POLD1: variants seen among roughly 807,000 people sequenced by gnomAD.
POLD1 encodes DNA polymerase delta catalytic subunit.
Under a neutral mutation model 129.7 loss-of-function variants are expected in POLD1, and 79 were observed. The ratio of observed to expected loss-of-function variants is 0.61; its 90% CI spans 0.51 to 0.73. The LOEUF (loss-of-function observed/expected upper bound fraction) is 0.73, where lower values mean the gene tolerates loss of function less well. Ranked by LOEUF, POLD1 falls within the 30% of genes least tolerant of loss-of-function variation. The pLI is 0.00. For missense variants in POLD1, 1,338 were observed against 1,595.8 expected (o/e 0.84, Z 2.75); for synonymous variants, 714 against 683.3 (o/e 1.04, Z -0.70).
chr19:50,401,359 GTA>G (rs1304573426), intron 3 of POLD1, among the ~76,000 whole-genome samples: 19 of 90,494 alleles, frequency 2.1e-4, no homozygotes, highest in African/African-American at 8.8e-4. Flanking sequence ...GTGTATTTGT[GTA>G]TATGTGTATA....
chr19:50,395,300 GAATA>G (rs2038314301), intron 1 of POLD1: 1 of 150,236 alleles, frequency 6.7e-6, no homozygotes, highest in African/African-American at 2.5e-5. Flanking sequence ...AAGGTTGAAA[GAATA>G]AATAGTGTAG....
In POLD1 at chr19:50,414,976, C is replaced by T. The variant is rs369366238; in HGVS notation, c.2550C>T (p.Arg850=). 5.0e-6 allele frequency: 8 copies of T among 1,588,178 alleles called. No homozygotes were observed. The highest frequency in any genetic ancestry group is 6.9e-6 in the Non-Finnish European group (8 of 1,166,460). ...VANLVTASLR[R]LLIDRDPEGA... ...ACCTGGTCACTGCCTCACTGCGCCGCCTGCTCATCGACCGGTGTGTGGGGC... is the reference window on the plus strand; with the variant it reads ...ACCTGGTCACTGCCTCACTGCGCCGTCTGCTCATCGACCGGTGTGTGGGGC... The change falls in exon 20 of 27, where the codon CGC becomes CGT. Residue 850 remains arginine (R), a synonymous_variant. Coordinates refer to ENST00000440232, the MANE Select transcript of POLD1 (RefSeq NM_002691.4).
At chr19:50,404,577 T>TTC (rs2038799325) in intron 10 of POLD1, among the ~76,000 whole-genome samples, 1 of 115,406 alleles carries the variant, frequency 8.7e-6, no homozygotes, top group Non-Finnish European at 1.8e-5. Context: ...TCTCTTTCTT[T>TTC]TTTTTTTTTT....
intron 1 of POLD1, among the ~76,000 whole-genome samples, chr19:50,386,523 A>C (rs2037977184): frequency 6.6e-6 from 1 of 152,206 alleles, no homozygotes; most frequent in Admixed American, 6.5e-5. Context: ...CCTTTTCTCA[A>C]GGAGCTCACA....
chr19:50,389,833 G>A (rs1050715508), intron 1 of POLD1, among the ~76,000 whole-genome samples: 27 of 150,326 alleles, frequency 1.8e-4, no homozygotes, highest in Non-Finnish European at 2.7e-4. Flanking sequence ...TGATCCGCCC[G>A]CCTTGGGCTC....
At position 50,402,526 on chromosome 19, in the gene POLD1, G is replaced by A. The variant is rs1284688393; in HGVS notation, c.831G>A (p.Leu277=). The change falls in exon 7 of 27, where the codon CTG becomes CTA. Residue 277 remains leucine (L), a synonymous_variant. Transcript: ENST00000440232. ...ELPAGKYALR[L]KEKATQCQLE... ...CAGCTGGGAAATACGCCCTGAGGCT[G>A]AAGGAGAAGGTGCAGGGCTTCCCAG... is the stretch of plus-strand genomic sequence containing the variant. 2 of 1,601,372 alleles carry A rather than the reference G, an allele frequency of 1.2e-6. No homozygotes were observed. Among genetic ancestry groups the A allele is most frequent in the African/African-American group, 1.3e-5 (1 of 74,664 alleles).
chr19:50,400,522 ATTTTTTTT>A (rs1016107364), intron 3 of POLD1, among the ~76,000 whole-genome samples: 2 of 63,516 alleles, frequency 3.1e-5, no homozygotes, highest in Non-Finnish European at 5.7e-5. Context: ...TGCCCCGCCT[ATTTTTTTT>A]TTTTTTTTTT....
chr19:50,389,597 T>C (rs1276277198), intron 1 of POLD1, among the ~76,000 whole-genome samples: 2 of 150,524 alleles, frequency 1.3e-5, no homozygotes, highest in East Asian at 1.9e-4. Flanking sequence ...TATTTTTTTT[T>C]TTTTTCCAAG....
At chr19:50,397,897 C>T (rs961690632) in intron 1 of POLD1, among the ~76,000 whole-genome samples, 1 of 152,080 alleles carries the variant, frequency 6.6e-6, no homozygotes, top group African/African-American at 2.4e-5. Context: ...AACCTTGAGT[C>T]AGTGTTAAAT....
At chr19:50,413,571 G>C in intron 18 of POLD1, 50 bp downstream of exon 18, 1 of 1,559,088 alleles carries the variant, frequency 6.4e-7, no homozygotes, top group Non-Finnish European at 8.8e-7. Flanking sequence ...GCAGGTGGGG[G>C]GATGGAAGCC....
rs147546995 is a variant in POLD1 at position 50,408,791 on chromosome 19, C to T, written c.1782C>T (p.Tyr594=). ...ATVIEPLKGY[Y]DVPIATLDFS... The stretch of plus-strand genomic sequence containing the variant: ...GCGGCTGCTCCCCTCCCAGGTACTA[C>T]GACGTCCCCATCGCCACCCTGGACT... The change falls in exon 15 of 27, where the codon TAC becomes TAT. Residue 594 remains tyrosine (Y), a synonymous_variant. Coordinates refer to ENST00000440232, the MANE Select transcript of POLD1 (RefSeq NM_002691.4). 1.1e-5 allele frequency: 18 copies of T among 1,613,664 alleles called. No homozygotes were observed. Among genetic ancestry groups the T allele is most frequent in the East Asian group, 1.1e-4 (5 of 44,890 alleles).
At chr19:50,417,602 A>G (rs552897529) in intron 26 of POLD1, among the ~76,000 whole-genome samples, 10 of 150,982 alleles carry the variant, frequency 6.6e-5, no homozygotes, top group African/African-American at 2.5e-4. Flanking sequence ...GTGGGTTCCC[A>G]CGCCAGGTGA....
At chr19:50,384,672 G>A (rs921008474) in intron 1 of POLD1, among the ~76,000 whole-genome samples, 1 of 152,184 alleles carries the variant, frequency 6.6e-6, no homozygotes, top group Admixed American at 6.5e-5. Flanking sequence ...GGTGGTGCAC[G>A]TGCGGGCTTG....
chr19:50,413,400 A>G, intron 17 of POLD1, 26 bp from the exon 18 acceptor site: 2 of 1,601,932 alleles, frequency 1.2e-6, no homozygotes, highest in Non-Finnish European at 1.7e-6. Flanking sequence ...CCAGGGCTTC[A>G]CTCCGCATGA....
intron 3 of POLD1, among the ~76,000 whole-genome samples, chr19:50,400,243 G>T (rs1428202100): frequency 2.1e-5 from 2 of 95,528 alleles, no homozygotes; most frequent in Admixed American, 1.3e-4. Flanking sequence ...TTTTTAAGAT[G>T]GAGTCTTGCT....
intron 14 of POLD1, among the ~76,000 whole-genome samples, chr19:50,407,963 G>A (rs1489363873): frequency 6.6e-6 from 1 of 151,948 alleles, no homozygotes; most frequent in Non-Finnish European, 1.5e-5. Context: ...ATGAGCCCAG[G>A]AGGTGGAGGC....
At chr19:50,390,629 G>A (rs971936375) in intron 1 of POLD1, among the ~76,000 whole-genome samples, 2 of 151,546 alleles carry the variant, frequency 1.3e-5, no homozygotes, top group African/African-American at 4.9e-5. Flanking sequence ...TGGAGAGGGG[G>A]ATTTGGCAGG....
At chr19:50,416,152 C>T (rs2039280789) in intron 22 of POLD1, 2 of 590,208 alleles carry the variant, frequency 3.4e-6, no homozygotes, top group Non-Finnish European at 6.0e-6. Context: ...CCTCTGACCT[C>T]CTGACCCCTT....
At chr19:50,403,950 G>T (rs546777423) in intron 10 of POLD1, among the ~76,000 whole-genome samples, 1 of 152,116 alleles carries the variant, frequency 6.6e-6, no homozygotes, top group African/African-American at 2.4e-5. Flanking sequence ...GAGGAGGAGG[G>T]GGGAGTGTGT....
Sources: allele counts gnomAD v4.1 joint callset (sites outside exome capture counted in the v4.1 genomes callset), GRCh38; gene constraint gnomAD v4.1.1; transcripts MANE v1.5; gene names NCBI Gene and HGNC (gene_info 2026-07-23, HGNC 2026-07-21).